The following VPS13B variants were observed in gnomAD, a reference collection of about 807,000 sequenced individuals.
VPS13B encodes the protein vacuolar protein sorting 13 homolog B, also known as intermembrane lipid transfer protein VPS13B.
Under a neutral mutation model 426.4 loss-of-function variants are expected in VPS13B, and 285 were observed. That is an observed-to-expected ratio of 0.67 (90% CI 0.61 to 0.74). The LOEUF (loss-of-function observed/expected upper bound fraction) is 0.74, where lower values mean the gene tolerates loss of function less well. Among genes scored for constraint, VPS13B ranks in the 30% least tolerant of loss-of-function variants. The pLI, the probability that VPS13B is intolerant of heterozygous loss-of-function variation, is 0.00. For missense variants in VPS13B, 4,537 were observed against 4,782.6 expected (o/e 0.95, Z 1.51); for synonymous variants, 1,676 against 1,676.4 (o/e 1.00, Z 0.01).
intron 17 of VPS13B, among the ~76,000 whole-genome samples, chr8:99,203,731 C>T (rs1005837020): frequency 6.6e-6 from 1 of 151,846 alleles, no homozygotes; most frequent in Non-Finnish European, 1.5e-5. Flanking sequence ...AGACAAACAG[C>T]CAAATCATGA....
At position 99,180,589 on chromosome 8, in the gene VPS13B, G is replaced by T. The variant is rs76374108; in HGVS notation, c.2333+10426G>T. On this transcript the variant is annotated intron_variant, in intron 16 of 61. Coordinates refer to ENST00000357162, the MANE Select transcript of VPS13B (RefSeq NM_152564.5). ...AATGGTCAGGGAAGTTCTCTTACAT[G>T]GATGTGACTTTTGACTCCAACCTAA... Among the ~76,000 whole-genome samples, 633 of 152,220 alleles carry T rather than the reference G, an allele frequency of 4.2e-3. 9 individuals are homozygous for T. The highest frequency in any genetic ancestry group is 0.015 in the African/African-American group (608 of 41,552).
chr8:99,099,544 C>G (rs886424582), intron 4 of VPS13B, among the ~76,000 whole-genome samples: 5 of 152,064 alleles, frequency 3.3e-5, no homozygotes, highest in African/African-American at 1.2e-4. Context: ...AGTCTTTTTT[C>G]TCTAGGACTT....
At chr8:99,670,706 G>A (rs116179351) in intron 35 of VPS13B, among the ~76,000 whole-genome samples, 69 of 152,028 alleles carry the variant, frequency 4.5e-4, no homozygotes, top group African/African-American at 1.4e-3. Flanking sequence ...ACATTTTTAC[G>A]TTCCATATAT....
In VPS13B at chr8:99,871,571, G is replaced by A. The variant is rs113454700; in HGVS notation, c.11619G>A (p.Val3873=). 6.6e-5 allele frequency: 107 copies of A among 1,614,078 alleles called. No homozygotes were observed. Among genetic ancestry groups the A allele is most frequent in the Non-Finnish European group, 8.6e-5 (101 of 1,180,044 alleles). Residue 3873 remains valine (V), a synonymous_variant, in exon 61 of 62, where the codon GTG becomes GTA. Transcript: ENST00000357162. The stretch of plus-strand genomic sequence containing the variant: ...TGACATCAGAAGTGCTCTTCGTGGT[G>A]AGTGTCAGTGAGGACACACAGCAGC... ...LLLTSEVLFV[V]SVSEDTQQQA... is the part of the protein sequence containing the mutation.
chr8:99,093,369 AT>A (rs940438852), intron 3 of VPS13B, among the ~76,000 whole-genome samples: 3 of 151,264 alleles, frequency 2.0e-5, no homozygotes, highest in Non-Finnish European at 3.0e-5. Flanking sequence ...TTTTTTTTAA[AT>A]TTTTTTTATT....
intron 34 of VPS13B, among the ~76,000 whole-genome samples, chr8:99,660,508 A>T (rs1440064633): frequency 6.6e-6 from 1 of 152,148 alleles, no homozygotes; most frequent in Non-Finnish European, 1.5e-5. Context: ...GAGTAAAACA[A>T]TCATGAAACT....
intron 45 of VPS13B, 41 bp from the exon 46 acceptor site, chr8:99,818,410 T>A: frequency 6.4e-7 from 1 of 1,556,610 alleles, no homozygotes; most frequent in East Asian, 2.2e-5. Flanking sequence ...ATTAGTAAAC[T>A]GCTTAGTATT....
intron 33 of VPS13B, among the ~76,000 whole-genome samples, chr8:99,589,599 C>G (rs1452432667): frequency 6.6e-6 from 1 of 151,672 alleles, no homozygotes; most frequent in Non-Finnish European, 1.5e-5. Flanking sequence ...TTAATCCAGT[C>G]TATCGTTTTT....
At chr8:99,147,741 G>A (rs927133741) in intron 13 of VPS13B, 100 bp from the exon 14 acceptor site, 1 of 753,178 alleles carries the variant, frequency 1.3e-6, no homozygotes. Context: ...AAGAAAAACA[G>A]GATTTGACCT....
At chr8:99,701,940 T>C (rs1030290976) in intron 36 of VPS13B, among the ~76,000 whole-genome samples, 1 of 152,158 alleles carries the variant, frequency 6.6e-6, no homozygotes, top group Admixed American at 6.5e-5. Context: ...AAATTGTGAT[T>C]AAGAGATTGC....
At chr8:99,064,295 A>G (rs912569119) in intron 3 of VPS13B, among the ~76,000 whole-genome samples, 2 of 152,176 alleles carry the variant, frequency 1.3e-5, no homozygotes, top group Non-Finnish European at 2.9e-5. Flanking sequence ...AAGGTGGGTA[A>G]TAACAAAATT....
rs145637909 is a variant in VPS13B at position 99,043,722 on chromosome 8, T to C, written c.291+5156T>C. 3.1e-3 allele frequency among the ~76,000 whole-genome samples: 478 copies of C among 152,218 alleles called. 3 individuals are homozygous for C. Among genetic ancestry groups the C allele is most frequent in the African/African-American group, 0.01 (433 of 41,542 alleles). On this transcript the variant is annotated intron_variant, in intron 3 of 61. Coordinates refer to ENST00000357162, the MANE Select transcript of VPS13B (RefSeq NM_152564.5). Reference sequence around the variant, plus strand: ...CCAATTGAAGTTCATCCATCTTGGGTCATTTCAGTGTCCATATGGATTCTT... The same window carrying C: ...CCAATTGAAGTTCATCCATCTTGGGCCATTTCAGTGTCCATATGGATTCTT...
intron 19 of VPS13B, among the ~76,000 whole-genome samples, chr8:99,330,773 C>G (rs903819826): frequency 6.6e-6 from 1 of 151,822 alleles, no homozygotes; most frequent in African/African-American, 2.4e-5. Flanking sequence ...CGGAAACTAT[C>G]AATATCTTGT....
At chr8:99,677,427 C>A (rs1259298953) in intron 35 of VPS13B, among the ~76,000 whole-genome samples, 2 of 152,238 alleles carry the variant, frequency 1.3e-5, no homozygotes, top group East Asian at 3.9e-4. Context: ...AGTTTGTTTT[C>A]TCTGTGATTT....
intron 19 of VPS13B, among the ~76,000 whole-genome samples, chr8:99,297,455 T>A (rs1056402543): frequency 3.3e-5 from 5 of 152,328 alleles, no homozygotes; most frequent in African/African-American, 9.6e-5. Context: ...TTTAAATAAT[T>A]GTTATATGAA....
chr8:99,203,266 G>A lies in VPS13B; in HGVS notation c.2515+10209G>A, dbSNP rs550277722. 4.6e-5 allele frequency among the ~76,000 whole-genome samples: 7 copies of A among 152,094 alleles called. No homozygotes were observed. In the South Asian group the frequency reaches 1.0e-3, roughly 23 times the overall value. On this transcript the variant is annotated intron_variant, in intron 17 of 61. Coordinates refer to ENST00000357162, the MANE Select transcript of VPS13B (RefSeq NM_152564.5). ...AAACAGAACCATTGACAAAAACCACGTGATTATCTCAATAGATGCAGAAAA... is the reference window on the plus strand; with the variant it reads ...AAACAGAACCATTGACAAAAACCACATGATTATCTCAATAGATGCAGAAAA...
intron 21 of VPS13B, among the ~76,000 whole-genome samples, chr8:99,424,789 G>A (rs1185465000): frequency 6.6e-6 from 1 of 151,984 alleles, no homozygotes; most frequent in Non-Finnish European, 1.5e-5. Flanking sequence ...CTGGTTTTTT[G>A]AAAAGATCAA....
intron 2 of VPS13B, among the ~76,000 whole-genome samples, chr8:99,029,385 C>T (rs945745824): frequency 5.9e-5 from 9 of 151,990 alleles, no homozygotes; most frequent in Non-Finnish European, 8.8e-5. Flanking sequence ...GGCGGCCGGG[C>T]AGAGGCTGCA....
At chr8:99,054,324 T>A (rs888516773) in intron 3 of VPS13B, among the ~76,000 whole-genome samples, 7 of 152,260 alleles carry the variant, frequency 4.6e-5, no homozygotes, top group African/African-American at 1.7e-4. Flanking sequence ...TGCCACATCT[T>A]CACCGACACT....
Sources: gnomAD v4.1 joint callset for allele counts (sites outside exome capture counted in the v4.1 genomes callset) on GRCh38, gnomAD v4.1.1 for gene constraint, MANE v1.5 for transcripts, NCBI Gene and HGNC (gene_info 2026-07-23, HGNC 2026-07-21) for gene names.